The following OTUD4 variants were observed in gnomAD, a reference collection of about 807,000 sequenced individuals.
OTUD4 encodes the protein OTU domain-containing protein 4.
A neutral mutation model predicts 130.4 loss-of-function variants in OTUD4; 24 were observed. The observed-to-expected ratio is 0.18, with a 90% CI of 0.13 to 0.26. The LOEUF (loss-of-function observed/expected upper bound fraction) is 0.26. Among genes scored for constraint, OTUD4 ranks in the 10% least tolerant of loss-of-function variants. The probability of loss-of-function intolerance (pLI) is 1.00; values close to 1 mark genes in which losing one functional copy is unlikely to be tolerated. For synonymous variants in OTUD4, 420 were observed against 472.5 expected, an observed-to-expected ratio of 0.89 and a Z score of 1.44; for missense variants, 1,031 against 1,329.4, an observed-to-expected ratio of 0.78 and a Z score of 3.49.
intron 3 of OTUD4, among the ~76,000 whole-genome samples, chr4:145,169,051 A>G (rs779918611): frequency 1.1e-4 from 17 of 152,268 alleles, no homozygotes; most frequent in Non-Finnish European, 2.4e-4. Flanking sequence ...ATAAGACTAC[A>G]AACTCTATCA....
At chr4:145,162,214 TTATATTA>T (rs1021236990) in intron 6 of OTUD4, among the ~76,000 whole-genome samples, 1 of 152,148 alleles carries the variant, frequency 6.6e-6, no homozygotes, top group Non-Finnish European at 1.5e-5. Flanking sequence ...GACATATCTT[TTATATTA>T]TAACAGAATA....
At chr4:145,150,482 T>C in intron 13 of OTUD4, 31 bp downstream of exon 13, 1 of 1,490,656 alleles carries the variant, frequency 6.7e-7, no homozygotes, top group Non-Finnish European at 9.3e-7. Flanking sequence ...TTACTTGATT[T>C]CTATACTTCT....
rs1256721513 is a variant in OTUD4 at position 145,137,774 on chromosome 4, C to G, written c.3001G>C (p.Ala1001Pro). 1.2e-6 allele frequency: 2 copies of G among 1,613,976 alleles called. No homozygotes were observed. The highest frequency in any genetic ancestry group is 1.7e-5 in the Admixed American group (1 of 59,986). ...GCCCCAGGGCTGACCACATCAGCAG[C>G]AGTCTTAGGATCTTTTACTTTTTCT... ...KTEKVKDPKTAADVVSPGANS... is the reference protein window; with the variant it reads ...KTEKVKDPKTPADVVSPGANS... Residue 1001 changes from alanine (A) to proline (P), a missense_variant, in exon 21 of 21, where the codon GCT (alanine) becomes CCT (proline). Transcript: ENST00000447906.
intron 20 of OTUD4, among the ~76,000 whole-genome samples, chr4:145,139,401 G>A (rs909602851): frequency 6.6e-6 from 1 of 152,202 alleles, no homozygotes; most frequent in Non-Finnish European, 1.5e-5. Flanking sequence ...AACAAGGACA[G>A]AGTTCTCCAA....
chr4:145,167,701 T>TA (rs1472925020), intron 3 of OTUD4, among the ~76,000 whole-genome samples: 1 of 151,942 alleles, frequency 6.6e-6, no homozygotes, highest in African/African-American at 2.4e-5. Flanking sequence ...TACTAAAAAA[T>TA]ACAAAAATTG....
chr4:145,154,636 T>C (rs965196078), intron 10 of OTUD4, among the ~76,000 whole-genome samples: 2 of 152,180 alleles, frequency 1.3e-5, no homozygotes, highest in East Asian at 1.9e-4. Flanking sequence ...CCTTGTAAAT[T>C]ATCTTACCTA....
intron 10 of OTUD4, among the ~76,000 whole-genome samples, chr4:145,154,846 G>A (rs564366925): frequency 1.3e-4 from 20 of 152,086 alleles, no homozygotes; most frequent in Non-Finnish European, 2.1e-4. Flanking sequence ...GTGGTGGTGG[G>A]GGGCGGGGGG....
intron 5 of OTUD4, among the ~76,000 whole-genome samples, chr4:145,163,462 T>G (rs1751685338): frequency 6.6e-6 from 1 of 152,180 alleles, no homozygotes; most frequent in Non-Finnish European, 1.5e-5. Context: ...AAATTTACAC[T>G]AGGGAAATAT....
In OTUD4 at chr4:145,138,474, G is replaced by T; in HGVS notation, c.2301C>A (p.His767Gln). The T allele has an allele frequency of 6.2e-7, 1 of 1,614,150 alleles. No individual in the cohort carries two copies. The highest frequency in any genetic ancestry group is 8.5e-7 in the Non-Finnish European group (1 of 1,179,986). ...NESDCTCTDA[H>Q]FPMQTEASVN... Reference sequence around the variant, plus strand: ...CACTGGCCTCAGTCTGCATAGGAAAGTGGGCATCAGTACAGGTACAATCAC... The same window carrying T: ...CACTGGCCTCAGTCTGCATAGGAAATTGGGCATCAGTACAGGTACAATCAC... The change falls in exon 21 of 21, where the codon CAC becomes CAA. Residue 767 changes from histidine (H) to glutamine (Q), a missense_variant. Coordinates refer to ENST00000447906, the MANE Select transcript of OTUD4 (RefSeq NM_001366057.1).
chr4:145,155,315 T>G, intron 10 of OTUD4, 96 bp downstream of exon 10: 1 of 909,740 alleles, frequency 1.1e-6, no homozygotes, highest in Non-Finnish European at 1.8e-6. Context: ...AATCCCAAAT[T>G]AACAACACAT....
chr4:145,179,541 C>T (rs1292100421), intron 1 of OTUD4: 1 of 1,141,318 alleles, frequency 8.8e-7, no homozygotes, highest in Non-Finnish European at 1.1e-6. Flanking sequence ...ACTGTACAAG[C>T]TCCGAGCAGG....
rs1579234973 is a variant in OTUD4 at position 145,136,284 on chromosome 4, T to C, written c.*1146A>G. On this transcript the variant is annotated 3_prime_UTR_variant, in exon 21 of 21. Coordinates refer to ENST00000447906, the MANE Select transcript of OTUD4 (RefSeq NM_001366057.1). The stretch of plus-strand genomic sequence containing the variant: ...CTGCAAAGACTGGAAGAAAACAGAA[T>C]GTAAGATGTTACCTACCTAAGGGTA... The C allele has an allele frequency of 2.6e-5, 4 of 152,540 alleles. No individual in the cohort carries two copies. The East Asian group carries it at 7.7e-4, about 29-fold the overall frequency. 9.4% of individuals were successfully genotyped at this position (152,540 alleles called of 1,614,324 possible). A position where few individuals can be genotyped will look rare whatever the true frequency, so the allele number is the denominator to read the frequency against.
intron 15 of OTUD4, 46 bp from the exon 16 acceptor site, chr4:145,144,047 T>G (rs944176302): frequency 2.1e-6 from 3 of 1,430,388 alleles, no homozygotes; most frequent in Non-Finnish European, 2.9e-6. Flanking sequence ...CCACCAGTCA[T>G]GTCTGAACAC....
In OTUD4 at chr4:145,135,953, ATT is replaced by A. The variant is rs1475132775; in HGVS notation, c.*1475_*1476del. The A allele has an allele frequency of 2.6e-5, 4 of 152,600 alleles. No individual in the cohort carries two copies. Among genetic ancestry groups the A allele is most frequent in the Non-Finnish European group, 4.4e-5 (3 of 68,028 alleles). 9.5% of individuals were successfully genotyped at this position (152,600 alleles called of 1,614,324 possible). A position where few individuals can be genotyped will look rare whatever the true frequency, so the allele number is the denominator to read the frequency against. ...AGTTTGTCAAATTCAAGTGAATTGT[ATT>A]TTCTTAAGTAATTTGCTTTACAAAA... On this transcript the variant is annotated 3_prime_UTR_variant, in exon 21 of 21. Coordinates refer to ENST00000447906, the MANE Select transcript of OTUD4 (RefSeq NM_001366057.1).
At chr4:145,146,170 AATT>A (rs1750812224) in intron 14 of OTUD4, 94 bp downstream of exon 14, 1 of 717,294 alleles carries the variant, frequency 1.4e-6, no homozygotes, top group Non-Finnish European at 2.1e-6. Context: ...AGAGTTTAAA[AATT>A]ATTAGTTTAC....
At chr4:145,167,312 C>A (rs940946784) in intron 3 of OTUD4, among the ~76,000 whole-genome samples, 1 of 152,184 alleles carries the variant, frequency 6.6e-6, no homozygotes, top group Non-Finnish European at 1.5e-5. Flanking sequence ...TAGACCAGCA[C>A]AATCTTTTCC....
intron 19 of OTUD4, 56 bp from the exon 20 acceptor site, chr4:145,140,047 A>G (rs2126738055): frequency 3.5e-6 from 2 of 565,464 alleles, no homozygotes; most frequent in Non-Finnish European, 6.3e-6. Flanking sequence ...ATTTTTTTAA[A>G]TCATCCTCAT....
intron 11 of OTUD4, among the ~76,000 whole-genome samples, chr4:145,151,233 G>C (rs1168743930): frequency 6.6e-6 from 1 of 152,188 alleles, no homozygotes; most frequent in Non-Finnish European, 1.5e-5. Flanking sequence ...TGTTCTGTTA[G>C]AGAAACATAT....
At chr4:145,175,742 A>G (rs1328672128) in intron 1 of OTUD4, among the ~76,000 whole-genome samples, 1 of 151,702 alleles carries the variant, frequency 6.6e-6, no homozygotes, top group Non-Finnish European at 1.5e-5. Context: ...ACAGGGTTTC[A>G]CCATCTTGGC....
Sources: gnomAD v4.1 joint callset for allele counts (sites outside exome capture counted in the v4.1 genomes callset) on GRCh38, gnomAD v4.1.1 for gene constraint, MANE v1.5 for transcripts, NCBI Gene and HGNC (gene_info 2026-07-23, HGNC 2026-07-21) for gene names.